TRIM2: variants seen among roughly 807,000 people sequenced by gnomAD.
TRIM2 encodes the protein tripartite motif containing 2, also known as tripartite motif-containing protein 2.
Under a neutral mutation model 75.2 loss-of-function variants are expected in TRIM2, and 20 were observed. The ratio of observed to expected loss-of-function variants is 0.27; its 90% confidence interval spans 0.19 to 0.39. The LOEUF is 0.39. TRIM2 is among the 10% of genes least tolerant of loss of function. The pLI is 1.00. For synonymous variants in TRIM2, 373 were observed against 388.3 expected (o/e 0.96, Z 0.46); for missense variants, 660 against 990.8 (o/e 0.67, Z 4.48).
At chr4:153,209,375 G>A (rs1560818218) in intron 1 of TRIM2, among the ~76,000 whole-genome samples, 1 of 152,148 alleles carries the variant, frequency 6.6e-6, no homozygotes, top group Non-Finnish European at 1.5e-5. Flanking sequence ...AAACTCAACT[G>A]GAATTGCACT....
chr4:153,205,912 C>T (rs1162921176), intron 1 of TRIM2, among the ~76,000 whole-genome samples: 1 of 152,176 alleles, frequency 6.6e-6, no homozygotes, highest in Non-Finnish European at 1.5e-5. Flanking sequence ...TCTCCTGGTG[C>T]GGTCCTAGAG....
rs190394124 is a variant in TRIM2 at position 153,226,246 on chromosome 4, T to C, written c.30+21686T>C. ...CCCTAGAATTTTCAATATTTTCCTT[T>C]TTCATAATATACTGTATATGTAGAT... On this transcript the variant is annotated intron_variant, in intron 1 of 11. Coordinates refer to ENST00000338700, the MANE Select transcript of TRIM2 (RefSeq NM_015271.5). 3.3e-5 allele frequency among the ~76,000 whole-genome samples: 5 copies of C among 152,348 alleles called. No homozygotes were observed. In the East Asian group the frequency reaches 9.6e-4, roughly 29 times the overall value.
At chr4:153,217,188 C>T (rs1216609730) in intron 1 of TRIM2, among the ~76,000 whole-genome samples, 2 of 151,944 alleles carry the variant, frequency 1.3e-5, no homozygotes, top group South Asian at 2.1e-4. Context: ...TTATGGGACC[C>T]TAGACATAAA....
chr4:153,337,374 A>G lies in TRIM2; in HGVS notation c.*2408A>G, dbSNP rs1772571041. 2.0e-6 allele frequency: 2 copies of G among 985,778 alleles called. No individual in the cohort carries two copies. The highest frequency in any genetic ancestry group is 2.4e-6 in the Non-Finnish European group (2 of 829,952). The allele number at this position is 985,778 out of a possible 1,614,324, so 61.1% of individuals were successfully genotyped here. A position where few individuals can be genotyped will look rare whatever the true frequency, so the allele number is the denominator to read the frequency against. ...CTATCAGGCTAGATATCTCAATAGTAGACTGAATACAAAGCTAATTTTTTT... is the reference window on the plus strand; with the variant it reads ...CTATCAGGCTAGATATCTCAATAGTGGACTGAATACAAAGCTAATTTTTTT... On this transcript the variant is annotated 3_prime_UTR_variant, in exon 12 of 12. Transcript: ENST00000338700.
At chr4:153,171,072 T>C (rs1379945993) in intron 1 of TRIM2, among the ~76,000 whole-genome samples, 1 of 152,238 alleles carries the variant, frequency 6.6e-6, no homozygotes, top group Non-Finnish European at 1.5e-5. Flanking sequence ...GATGGGTTGC[T>C]AGCCTTAGGA....
At chr4:153,304,883 GACTT>G (rs1764662348) in intron 6 of TRIM2, among the ~76,000 whole-genome samples, 1 of 152,194 alleles carries the variant, frequency 6.6e-6, no homozygotes, top group South Asian at 2.1e-4. Flanking sequence ...GTAGTGTAGT[GACTT>G]ACTAAGATAT....
rs1772453860 is a variant in TRIM2, at chr4:153,336,372, A to G, written c.*1406A>G. On this transcript the variant is annotated 3_prime_UTR_variant, in exon 12 of 12. Coordinates refer to ENST00000338700, the MANE Select transcript of TRIM2 (RefSeq NM_015271.5). The stretch of plus-strand genomic sequence containing the variant: ...CAAAAAAAAAAACAAAAAAAAAACC[A>G]CACACACACATAAAAAACCCAACAG... 4 of 975,806 alleles carry G rather than the reference A, an allele frequency of 4.1e-6. No individual in the cohort carries two copies. The highest frequency in any genetic ancestry group is 4.9e-6 in the Non-Finnish European group (4 of 821,510). The allele number at this position is 975,806 out of a possible 1,614,324, so 60.4% of individuals were successfully genotyped here. A position where few individuals can be genotyped will look rare whatever the true frequency, so the allele number is the denominator to read the frequency against.
Position 153,315,899 on chromosome 4 carries a change from A to C in TRIM2, c.1682A>C (p.Gln561Pro). The change falls in exon 8 of 12, where the codon CAG becomes CCG. Residue 561 changes from glutamine (Q) to proline (P), a missense_variant. Physicochemically the swap from Gln to Pro is moderately conservative, Grantham distance 76. Around this residue, in one of 2 missense-constraint regions of TRIM2, gnomAD observed 620 missense variants for 891.0 expected, o/e 0.70. Transcript: ENST00000338700. ...CGGGGACGCTCTCCGGGGCAGCTGC[A>C]GCGGCCCACAGGAGTGGCTGTACAT... ...GIRGRSPGQLQRPTGVAVHPS... is the reference protein window; with the variant it reads ...GIRGRSPGQLPRPTGVAVHPS... The C allele has an allele frequency of 6.2e-7, 1 of 1,614,148 alleles. No individual in the cohort carries two copies. The highest frequency in any genetic ancestry group is 1.1e-5 in the South Asian group (1 of 91,082).
At position 153,247,597 on chromosome 4, in the gene TRIM2, G is replaced by C. The variant is rs13103634; in HGVS notation, c.31-22738G>C. 6.3e-5 allele frequency among the ~76,000 whole-genome samples: 9 copies of C among 143,962 alleles called. No homozygotes were observed. The East Asian group carries it at 1.9e-3, about 31-fold the overall frequency. 94.4% of individuals were successfully genotyped at this position (143,962 alleles called of 152,430 possible). On this transcript the variant is annotated intron_variant, in intron 1 of 11. Transcript: ENST00000338700. ...GGAGGCTGAGGCAGGAGAATTGCTT[G>C]CACCCAGGAGGCTGAGGTTGCTGTG...
At chr4:153,220,712 AT>A (rs59437217) in intron 1 of TRIM2, among the ~76,000 whole-genome samples, 9,943 of 152,238 alleles carry the variant, frequency 0.065, 985 homozygotes, top group African/African-American at 0.22. Context: ...TTAAAAATAA[AT>A]TTTTTTAAAT....
chr4:153,339,145 T>A lies in TRIM2; in HGVS notation c.*4179T>A, dbSNP rs1772811982. ...TAAAGAAAAGAATGAACGCTGTGCATCAAAGTGTTTGTATGTTCGTAGCTA... is the reference window on the plus strand; with the variant it reads ...TAAAGAAAAGAATGAACGCTGTGCAACAAAGTGTTTGTATGTTCGTAGCTA... On this transcript the variant is annotated 3_prime_UTR_variant, in exon 12 of 12. Transcript: ENST00000338700. 1.0e-6 allele frequency: 1 copy of A among 985,768 alleles called. No homozygotes were observed. The highest frequency in any genetic ancestry group is 1.2e-6 in the Non-Finnish European group (1 of 829,932). 61.1% of individuals were successfully genotyped at this position (985,768 alleles called of 1,614,324 possible). A position where few individuals can be genotyped will look rare whatever the true frequency, so the allele number is the denominator to read the frequency against.
At chr4:153,201,703 G>A (rs1734386294), upstream of TRIM2, among the ~76,000 whole-genome samples, 1 of 151,662 alleles carries the variant, frequency 6.6e-6, no homozygotes, top group South Asian at 2.1e-4. Flanking sequence ...TCTAAAGAAA[G>A]AAAAAAAGAA....
intron 1 of TRIM2, among the ~76,000 whole-genome samples, chr4:153,195,823 A>G (rs949465309): frequency 5.9e-5 from 9 of 151,586 alleles, no homozygotes; most frequent in African/African-American, 1.9e-4. Flanking sequence ...TTTTTTTATT[A>G]TTTTTTGAGA....
intron 1 of TRIM2, among the ~76,000 whole-genome samples, chr4:153,269,919 A>G (rs764368370): frequency 3.3e-5 from 5 of 151,832 alleles, no homozygotes; most frequent in Non-Finnish European, 7.4e-5. Context: ...TTATTTATTT[A>G]TTTTTTATTT....
At chr4:153,294,573 C>T (rs1762419306) in intron 5 of TRIM2, 88 bp downstream of exon 5, 2 of 1,345,804 alleles carry the variant, frequency 1.5e-6, no homozygotes, top group Admixed American at 2.2e-5. Flanking sequence ...ACAAGGGGTC[C>T]TTAAGTGTCA....
At chr4:153,316,228 A>T (rs151127051) in intron 8 of TRIM2, among the ~76,000 whole-genome samples, 2 of 152,332 alleles carry the variant, frequency 1.3e-5, no homozygotes, top group African/African-American at 4.8e-5. Flanking sequence ...TAGGTTGCTC[A>T]GTCACTTTTT....
intron 1 of TRIM2, among the ~76,000 whole-genome samples, chr4:153,221,929 AAAGG>A (rs1307270028): frequency 1.0e-5 from 1 of 99,160 alleles, no homozygotes; most frequent in African/African-American, 3.7e-5. Flanking sequence ...GAGAGGGAGA[AAAGG>A]AACGAAAGAG....
At chr4:153,159,267 A>G (rs1729518163) in intron 1 of TRIM2, among the ~76,000 whole-genome samples, 1 of 144,580 alleles carries the variant, frequency 6.9e-6, no homozygotes, top group African/African-American at 2.5e-5. Flanking sequence ...ACCACTTTAC[A>G]TTAGAAGTTC....
intron 1 of TRIM2, among the ~76,000 whole-genome samples, chr4:153,214,223 G>A (rs1737864326): frequency 6.6e-6 from 1 of 152,166 alleles, no homozygotes; most frequent in South Asian, 2.1e-4. Flanking sequence ...ATTTCCATGA[G>A]CACTGTGTAA....
Sources: gnomAD v4.1 joint callset for allele counts (sites outside exome capture counted in the v4.1 genomes callset) on GRCh38, gnomAD v4.1.1 for gene constraint, gnomAD v4.1.1 regional missense constraint, MANE v1.5 for transcripts, NCBI Gene and HGNC (gene_info 2026-07-23, HGNC 2026-07-21) for gene names.